The following KCNMB2 variants were observed in gnomAD, a reference collection of about 807,000 sequenced individuals.
KCNMB2 encodes the protein calcium-activated potassium channel subunit beta-2.
Under a neutral mutation model 24.5 loss-of-function variants are expected in KCNMB2, and 9 were observed. The ratio of observed to expected loss-of-function variants is 0.37; its 90% CI spans 0.22 to 0.64. The LOEUF (loss-of-function observed/expected upper bound fraction) is 0.64, where lower values mean the gene tolerates loss of function less well. Ranked by LOEUF, KCNMB2 falls within the 30% of genes least tolerant of loss-of-function variation. The probability of loss-of-function intolerance (pLI) is 0.63; values close to 1 mark genes in which losing one functional copy is unlikely to be tolerated. For missense variants in KCNMB2, 226 were observed against 284.3 expected, an observed-to-expected ratio of 0.79 and a Z score of 1.47; for synonymous variants, 109 against 104.4, an observed-to-expected ratio of 1.04 and a Z score of -0.27.
chr3:178,689,652 A>G (rs1300928764), intron 1 of KCNMB2, among the ~76,000 whole-genome samples: 1 of 152,178 alleles, frequency 6.6e-6, no homozygotes, highest in Non-Finnish European at 1.5e-5. Context: ...AAGAGAAGTT[A>G]TGGAAGAAAG....
intron 1 of KCNMB2, among the ~76,000 whole-genome samples, chr3:178,798,002 C>T (rs1052736568): frequency 6.6e-6 from 1 of 152,166 alleles, no homozygotes; most frequent in Non-Finnish European, 1.5e-5. Context: ...TGAGATCTTG[C>T]TGAAGTTGCT....
At chr3:178,841,189 T>C (rs1715414793) in intron 4 of KCNMB2, among the ~76,000 whole-genome samples, 1 of 152,254 alleles carries the variant, frequency 6.6e-6, no homozygotes, top group South Asian at 2.1e-4. Flanking sequence ...TGCTAAAGCA[T>C]GGTAAGTGCA....
At chr3:178,760,570 A>G (rs1711815073) in intron 1 of KCNMB2, among the ~76,000 whole-genome samples, 1 of 148,310 alleles carries the variant, frequency 6.7e-6, no homozygotes, top group Non-Finnish European at 1.5e-5. Flanking sequence ...GTAACTTTTT[A>G]TCATAACTCT....
intron 1 of KCNMB2, among the ~76,000 whole-genome samples, chr3:178,587,432 CT>C (rs1014970860): frequency 1.3e-5 from 2 of 151,556 alleles, no homozygotes; most frequent in East Asian, 3.9e-4. Flanking sequence ...GTAATTTTTT[CT>C]TTTTTTTGAG....
At chr3:178,649,219 TTCA>T (rs1432225222) in intron 1 of KCNMB2, among the ~76,000 whole-genome samples, 8 of 152,178 alleles carry the variant, frequency 5.3e-5, no homozygotes, top group Non-Finnish European at 1.0e-4. Context: ...TGTAAATCAG[TTCA>T]TCATCTTTGC....
At chr3:178,744,188 G>C (rs1723586492) in intron 1 of KCNMB2, among the ~76,000 whole-genome samples, 1 of 152,146 alleles carries the variant, frequency 6.6e-6, no homozygotes, top group Non-Finnish European at 1.5e-5. Context: ...AGCCATAATG[G>C]GGCTTTTATT....
intron 1 of KCNMB2, among the ~76,000 whole-genome samples, chr3:178,768,382 C>T (rs532040352): frequency 6.6e-5 from 10 of 152,060 alleles, no homozygotes; most frequent in East Asian, 1.9e-4. Context: ...CAAATTGCAG[C>T]GCCCTCAAGT....
At chr3:178,573,658 G>A (rs564514163) in intron 1 of KCNMB2, among the ~76,000 whole-genome samples, 12 of 148,294 alleles carry the variant, frequency 8.1e-5, no homozygotes, top group African/African-American at 3.0e-4. Flanking sequence ...GAGGTGGGAG[G>A]ATTGTTTGAG....
chr3:178,785,335 T>C (rs1447333443), intron 1 of KCNMB2, among the ~76,000 whole-genome samples: 8 of 151,910 alleles, frequency 5.3e-5, no homozygotes, highest in Non-Finnish European at 1.5e-5. Flanking sequence ...AATAATACAA[T>C]TTAAAATACA....
intron 1 of KCNMB2, among the ~76,000 whole-genome samples, chr3:178,686,621 A>G (rs1721480751): frequency 6.6e-6 from 1 of 152,184 alleles, no homozygotes. Flanking sequence ...TCAAATTCCA[A>G]GGTGTCCTAT....
intron 1 of KCNMB2, among the ~76,000 whole-genome samples, chr3:178,707,361 C>T (rs564483477): frequency 6.6e-6 from 1 of 152,294 alleles, no homozygotes; most frequent in South Asian, 2.1e-4. Context: ...CTGTCAGTAT[C>T]TGCATGCCAG....
chr3:178,793,741 A>T (rs908384010), intron 1 of KCNMB2, among the ~76,000 whole-genome samples: 1 of 152,042 alleles, frequency 6.6e-6, no homozygotes, highest in African/African-American at 2.4e-5. Context: ...GCTATCAGGG[A>T]TCCAAGCCAG....
At chr3:178,707,069 T>G (rs1258465785) in intron 1 of KCNMB2, among the ~76,000 whole-genome samples, 1 of 152,142 alleles carries the variant, frequency 6.6e-6, no homozygotes, top group Non-Finnish European at 1.5e-5. Context: ...CTCTTTCATT[T>G]GCAAGTGCAA....
chr3:178,556,647 C>T (rs1444071666), intron 1 of KCNMB2, among the ~76,000 whole-genome samples: 2 of 152,146 alleles, frequency 1.3e-5, no homozygotes, highest in African/African-American at 2.4e-5. Context: ...CCTCGTGATC[C>T]ACCCACCTCG....
chr3:178,542,910 G>A (rs1435225559), intron 1 of KCNMB2, among the ~76,000 whole-genome samples: 1 of 152,156 alleles, frequency 6.6e-6, no homozygotes, highest in Non-Finnish European at 1.5e-5. Context: ...AAGGAATGTA[G>A]GTAGTAATGG....
intron 1 of KCNMB2, among the ~76,000 whole-genome samples, chr3:178,651,724 A>G (rs1457651200): frequency 1.8e-4 from 28 of 152,128 alleles, no homozygotes; most frequent in Admixed American, 1.8e-3. Flanking sequence ...AAAACAGATA[A>G]ATAGAACAAT....
chr3:178,554,776 C>T (rs1184986345), intron 1 of KCNMB2, among the ~76,000 whole-genome samples: 1 of 152,170 alleles, frequency 6.6e-6, no homozygotes, highest in Non-Finnish European at 1.5e-5. Context: ...GACATGTTCC[C>T]TTACTCTCAA....
At chr3:178,832,105 C>A (rs571903774) in intron 4 of KCNMB2, among the ~76,000 whole-genome samples, 1 of 152,002 alleles carries the variant, frequency 6.6e-6, no homozygotes. Flanking sequence ...TATCTCTGTT[C>A]TTCTATCTAG....
chr3:178,741,435 TA>T (rs1263228302), intron 1 of KCNMB2, among the ~76,000 whole-genome samples: 1 of 152,302 alleles, frequency 6.6e-6, no homozygotes, highest in African/African-American at 2.4e-5. Context: ...CCACTGGCTT[TA>T]TTAGTTTTCT....
Sources: gnomAD v4.1 joint callset for allele counts (sites outside exome capture counted in the v4.1 genomes callset) on GRCh38, gnomAD v4.1.1 for gene constraint, MANE v1.5 for transcripts, NCBI Gene and HGNC (gene_info 2026-07-23, HGNC 2026-07-21) for gene names.